Variants in LHFPL6 observed in about 807,000 individuals in gnomAD.
LHFPL6 encodes LHFPL tetraspan subfamily member 6 protein.
A neutral mutation model predicts 20.6 loss-of-function variants in LHFPL6; 9 were observed. That is an observed-to-expected ratio of 0.44 (90% confidence interval 0.26 to 0.76). The LOEUF (loss-of-function observed/expected upper bound fraction) is 0.76, where lower values mean the gene tolerates loss of function less well. Among genes scored for constraint, LHFPL6 ranks in the 30% least tolerant of loss-of-function variants. LHFPL6 has a pLI of 0.20. For synonymous variants in LHFPL6, 105 were observed against 98.7 expected (o/e 1.06, Z -0.38); for missense variants, 218 against 253.5 (o/e 0.86, Z 0.95).
intron 2 of LHFPL6, among the ~76,000 whole-genome samples, chr13:39,523,456 C>G (rs905508916): frequency 6.6e-6 from 1 of 151,544 alleles, no homozygotes; most frequent in Non-Finnish European, 1.5e-5. Context: ...GTAGTCCCAG[C>G]TACTCGGGAG....
intron 2 of LHFPL6, among the ~76,000 whole-genome samples, chr13:39,401,925 G>T (rs1418891878): frequency 6.6e-6 from 1 of 152,022 alleles, no homozygotes; most frequent in African/African-American, 2.4e-5. Context: ...ATGAACAATG[G>T]GTTATTTAGA....
At chr13:39,461,154 C>T (rs545596593) in intron 2 of LHFPL6, among the ~76,000 whole-genome samples, 1 of 152,276 alleles carries the variant, frequency 6.6e-6, no homozygotes, top group African/African-American at 2.4e-5. Context: ...CATGTTGCTG[C>T]AAAGAACATG....
chr13:39,445,834 A>T (rs188556149), intron 2 of LHFPL6, among the ~76,000 whole-genome samples: 19 of 152,242 alleles, frequency 1.2e-4, no homozygotes, highest in African/African-American at 4.1e-4. Flanking sequence ...GCCTCTCCAA[A>T]ATGAGTCTTC....
intron 2 of LHFPL6, among the ~76,000 whole-genome samples, chr13:39,485,911 C>A (rs73462865): frequency 1.3e-5 from 2 of 152,104 alleles, no homozygotes; most frequent in South Asian, 4.1e-4. Flanking sequence ...TTACTAAGTT[C>A]TAGACTATCC....
chr13:39,473,689 G>A (rs1873007658), intron 2 of LHFPL6, among the ~76,000 whole-genome samples: 1 of 152,152 alleles, frequency 6.6e-6, no homozygotes, highest in Non-Finnish European at 1.5e-5. Flanking sequence ...GTCACTTTAT[G>A]TGAATCTGCC....
intron 2 of LHFPL6, among the ~76,000 whole-genome samples, chr13:39,573,218 A>AT (rs2138532244): frequency 6.6e-6 from 1 of 152,282 alleles, no homozygotes; most frequent in African/African-American, 2.4e-5. Flanking sequence ...TGGAATAGAG[A>AT]TTCATTCTTG....
intron 3 of LHFPL6, among the ~76,000 whole-genome samples, chr13:39,356,906 G>A (rs909580659): frequency 3.3e-5 from 5 of 152,198 alleles, no homozygotes; most frequent in African/African-American, 1.2e-4. Context: ...ATGGTGGCTT[G>A]CACCAGTAAT....
At chr13:39,363,651 T>G (rs889527450) in intron 3 of LHFPL6, among the ~76,000 whole-genome samples, 1 of 152,154 alleles carries the variant, frequency 6.6e-6, no homozygotes, top group Non-Finnish European at 1.5e-5. Flanking sequence ...TTGAATGTGT[T>G]CTCTTCAGTA....
At chr13:39,370,181 T>G (rs980375553) in intron 3 of LHFPL6, among the ~76,000 whole-genome samples, 4 of 152,186 alleles carry the variant, frequency 2.6e-5, no homozygotes, top group Admixed American at 6.5e-5. Flanking sequence ...TGCTCAGTCA[T>G]GTCATCACTG....
intron 3 of LHFPL6, among the ~76,000 whole-genome samples, chr13:39,374,971 G>A (rs745733897): frequency 6.6e-6 from 1 of 152,220 alleles, no homozygotes; most frequent in African/African-American, 2.4e-5. Flanking sequence ...CTATGTAGGA[G>A]TAAAAGCAAT....
intron 2 of LHFPL6, among the ~76,000 whole-genome samples, chr13:39,558,598 T>C (rs1032569004): frequency 3.9e-5 from 6 of 152,176 alleles, no homozygotes; most frequent in Non-Finnish European, 7.4e-5. Context: ...ATGATATCAT[T>C]TTTAAAAGGC....
chr13:39,537,265 C>T (rs967219761), intron 2 of LHFPL6, among the ~76,000 whole-genome samples: 6 of 152,166 alleles, frequency 3.9e-5, no homozygotes, highest in Non-Finnish European at 7.3e-5. Context: ...CACAAGTCCA[C>T]GTGGCTTTAT....
intron 2 of LHFPL6, among the ~76,000 whole-genome samples, chr13:39,570,481 A>G (rs1277961467): frequency 6.6e-6 from 1 of 151,970 alleles, no homozygotes; most frequent in Non-Finnish European, 1.5e-5. Context: ...AGGATTCATT[A>G]AAAACATGGC....
chr13:39,598,090 T>C (rs1200422183), intron 2 of LHFPL6, among the ~76,000 whole-genome samples: 2 of 152,262 alleles, frequency 1.3e-5, no homozygotes, highest in Non-Finnish European at 2.9e-5. Flanking sequence ...TCCCTGTATG[T>C]TGATTACATT....
At chr13:39,536,602 CT>C (rs1248589192) in intron 2 of LHFPL6, among the ~76,000 whole-genome samples, 2 of 152,160 alleles carry the variant, frequency 1.3e-5, no homozygotes, top group Non-Finnish European at 2.9e-5. Context: ...CAACTTTCTT[CT>C]TTCCTTCTCT....
chr13:39,398,543 A>C (rs552691367), intron 2 of LHFPL6, among the ~76,000 whole-genome samples: 5 of 152,326 alleles, frequency 3.3e-5, no homozygotes, highest in African/African-American at 1.2e-4. Flanking sequence ...ACTCTGCAGA[A>C]GTGATACATT....
intron 3 of LHFPL6, among the ~76,000 whole-genome samples, chr13:39,376,765 T>C (rs1358813804): frequency 2.6e-5 from 4 of 152,230 alleles, no homozygotes; most frequent in Non-Finnish European, 4.4e-5. Context: ...AAAAAGTAGA[T>C]GTCTAAGTTA....
intron 2 of LHFPL6, among the ~76,000 whole-genome samples, chr13:39,431,721 G>GC (rs931878332): frequency 1.4e-5 from 2 of 147,594 alleles, no homozygotes; most frequent in African/African-American, 2.5e-5. Context: ...AATTTGTGGG[G>GC]GGGGGGGGCT....
chr13:39,366,103 C>T (rs1412184949), intron 3 of LHFPL6, among the ~76,000 whole-genome samples: 3 of 152,146 alleles, frequency 2.0e-5, no homozygotes, highest in African/African-American at 4.8e-5. Flanking sequence ...CTGCACATGG[C>T]CAGTACTTGT....
Sources: allele counts gnomAD v4.1 joint callset (sites outside exome capture counted in the v4.1 genomes callset), GRCh38; gene constraint gnomAD v4.1.1; transcripts MANE v1.5; gene names NCBI Gene and HGNC (gene_info 2026-07-23, HGNC 2026-07-21).